The following CENPP variants were observed in gnomAD, a reference collection of about 807,000 sequenced individuals.
CENPP encodes the protein centromere protein P.
In CENPP, 24 loss-of-function variants were observed where a neutral mutation model predicts 35.6. The observed-to-expected ratio is 0.67, with a 90% CI of 0.49 to 0.95. The LOEUF is 0.95. Among genes scored for constraint, CENPP ranks in the 40% least tolerant of loss-of-function variants. The probability of loss-of-function intolerance (pLI) is 0.00; values close to 1 mark genes in which losing one functional copy is unlikely to be tolerated. For missense variants in CENPP, 332 were observed against 345.3 expected, an observed-to-expected ratio of 0.96 and a Z score of 0.31; for synonymous variants, 120 against 125.5, an observed-to-expected ratio of 0.96 and a Z score of 0.29.
At chr9:92,418,378 C>T (rs1265827777) in intron 5 of CENPP, among the ~76,000 whole-genome samples, 2 of 151,794 alleles carry the variant, frequency 1.3e-5, no homozygotes, top group African/African-American at 2.4e-5. Flanking sequence ...TGAGCCACTG[C>T]GCCTGGCCGA....
chr9:92,558,761 G>T (rs1339088655), intron 5 of CENPP, among the ~76,000 whole-genome samples: 1 of 152,022 alleles, frequency 6.6e-6, no homozygotes, highest in African/African-American at 2.4e-5. Context: ...CCATCAGGTG[G>T]GGACAGGGCT....
At position 92,618,809 on chromosome 9, in the gene CENPP, C is replaced by T. The variant is rs905620241; in HGVS notation, c.*5660C>T. 1.1e-5 allele frequency: 4 copies of T among 353,364 alleles called. No homozygotes were observed. Among genetic ancestry groups the T allele is most frequent in the Non-Finnish European group, 2.2e-5 (4 of 179,842 alleles). The allele number at this position is 353,364 out of a possible 1,614,324, so 21.9% of individuals were successfully genotyped here. On this transcript the variant is annotated 3_prime_UTR_variant, in exon 8 of 8. Coordinates refer to ENST00000375587, the MANE Select transcript of CENPP (RefSeq NM_001012267.3). ...CACCGGGAAAGTGAGTGGCTGGCAG[C>T]CAGCAACCAAGGTCATCTTGACCCA... is the stretch of plus-strand genomic sequence containing the variant.
At chr9:92,337,394 T>G in intron 2 of CENPP, 147 bp from the exon 3 acceptor site, 1 of 540,098 alleles carries the variant, frequency 1.9e-6, no homozygotes, top group Non-Finnish European at 3.4e-6. Flanking sequence ...TTGGTTTACG[T>G]TCTTCCAGAG....
chr9:92,333,391 A>T (rs1840817581), intron 2 of CENPP, among the ~76,000 whole-genome samples: 1 of 152,176 alleles, frequency 6.6e-6, no homozygotes, highest in Non-Finnish European at 1.5e-5. Context: ...GAGAATAGAG[A>T]ATGAGGATAG....
At chr9:92,543,401 G>A (rs1326981040) in intron 5 of CENPP, among the ~76,000 whole-genome samples, 2 of 149,178 alleles carry the variant, frequency 1.3e-5, no homozygotes, top group Non-Finnish European at 3.0e-5. Context: ...GAACCTGGGA[G>A]GTGGAGGTTG....
chr9:92,558,964 G>A (rs188314579), intron 5 of CENPP, among the ~76,000 whole-genome samples: 1 of 152,212 alleles, frequency 6.6e-6, no homozygotes, highest in African/African-American at 2.4e-5. Flanking sequence ...ACTGCAAACT[G>A]AAGGGCAGTT....
intron 5 of CENPP, among the ~76,000 whole-genome samples, chr9:92,511,083 C>T (rs1237230918): frequency 6.6e-6 from 1 of 151,936 alleles, no homozygotes; most frequent in Non-Finnish European, 1.5e-5. Context: ...AAACATAAAC[C>T]CCTTTTCTCT....
At chr9:92,382,232 T>C in intron 5 of CENPP, among the ~76,000 whole-genome samples, 1 of 152,174 alleles carries the variant, frequency 6.6e-6, no homozygotes, top group East Asian at 1.9e-4. Flanking sequence ...AATTTATTTT[T>C]ATTTAATTTT....
At position 92,429,790 on chromosome 9, in the gene CENPP, A is replaced by AATC. The variant is rs5899160; in HGVS notation, c.564+49962_564+49964dup. Among the ~76,000 whole-genome samples, 736 of 150,530 alleles carry AATC rather than the reference A, an allele frequency of 4.9e-3. 2 individuals carry two copies. Among genetic ancestry groups the AATC allele is most frequent in the South Asian group, 0.011 (51 of 4,752 alleles). On this transcript the variant is annotated intron_variant, in intron 5 of 7. Coordinates refer to ENST00000375587, the MANE Select transcript of CENPP (RefSeq NM_001012267.3). ...TGACAAGAACGAAACTCCGTCTCAA[A>AATC]ATCATCATCATCATCATCATCATCA...
At chr9:92,490,107 C>T (rs1846142944) in intron 5 of CENPP, among the ~76,000 whole-genome samples, 1 of 152,228 alleles carries the variant, frequency 6.6e-6, no homozygotes. Context: ...TTGACACTCA[C>T]CTTTATTATG....
chr9:92,342,829 G>GTGTA (rs141473890), intron 3 of CENPP, among the ~76,000 whole-genome samples: 4,659 of 152,288 alleles, frequency 0.031, 110 homozygotes, highest in South Asian at 0.08. Context: ...ATACCAACTT[G>GTGTA]TGTATGTATG....
chr9:92,486,867 C>T (rs1378910223), intron 5 of CENPP, among the ~76,000 whole-genome samples: 2 of 151,636 alleles, frequency 1.3e-5, no homozygotes, highest in African/African-American at 4.9e-5. Flanking sequence ...CTGCAACCTC[C>T]ACCTCCTGGG....
intron 5 of CENPP, among the ~76,000 whole-genome samples, chr9:92,573,867 C>CGA (rs1158747925): frequency 1.3e-5 from 2 of 152,326 alleles, no homozygotes; most frequent in Admixed American, 1.3e-4. Flanking sequence ...TAGCAGTGAG[C>CGA]GAGGCTTCGT....
chr9:92,335,643 A>G (rs1040430758), intron 2 of CENPP, among the ~76,000 whole-genome samples: 1 of 151,564 alleles, frequency 6.6e-6, no homozygotes, highest in African/African-American at 2.4e-5. Context: ...TAAAAAGACT[A>G]TTCTTTCTCC....
chr9:92,372,099 CTTTTTTTTTTTT>C (rs71362382), intron 4 of CENPP, among the ~76,000 whole-genome samples: 32 of 30,690 alleles, frequency 1.0e-3, no homozygotes, highest in South Asian at 5.0e-3. Flanking sequence ...TGCCAGCCAT[CTTTTTTTTTTTT>C]TTTTTTTTTT....
intron 5 of CENPP, among the ~76,000 whole-genome samples, chr9:92,588,336 T>C (rs759781588): frequency 7.9e-5 from 12 of 151,404 alleles, no homozygotes; most frequent in Non-Finnish European, 1.5e-4. Context: ...GCAAGCTCTG[T>C]CTCCAGGTTC....
intron 5 of CENPP, among the ~76,000 whole-genome samples, chr9:92,534,926 A>G (rs1417907645): frequency 6.6e-6 from 1 of 152,150 alleles, no homozygotes; most frequent in Non-Finnish European, 1.5e-5. Flanking sequence ...CTCTAGAGTT[A>G]AACTCTCATG....
rs1284127873 is a variant in CENPP at position 92,476,066 on chromosome 9, GA to G, written c.564+96210del. Reference sequence around the variant, plus strand: ...ATGCATCCTAGAGATGCTCACTGGTGAAACTGAGTCCTGGCAGGAGGGCATC... The same window carrying G: ...ATGCATCCTAGAGATGCTCACTGGTGAACTGAGTCCTGGCAGGAGGGCATC... On this transcript the variant is annotated intron_variant, in intron 5 of 7. Transcript: ENST00000375587. The surrounding 1 kb of genome is among the most constrained non-coding windows in gnomAD (Gnocchi z 4.1). Among the ~76,000 whole-genome samples the G allele has an allele frequency of 1.3e-5, 2 of 152,156 alleles. No homozygotes were observed. The highest frequency in any genetic ancestry group is 6.5e-5 in the Admixed American group (1 of 15,282).
chr9:92,506,279 A>C (rs1475362369), intron 5 of CENPP, among the ~76,000 whole-genome samples: 3 of 152,214 alleles, frequency 2.0e-5, no homozygotes, highest in African/African-American at 7.2e-5. Flanking sequence ...ATAGTTACTC[A>C]CTTGTTGGCA....
Sources: gnomAD v4.1 joint callset for allele counts (sites outside exome capture counted in the v4.1 genomes callset) on GRCh38, gnomAD v4.1.1 for gene constraint, Gnocchi (gnomAD v3.1) non-coding constraint, MANE v1.5 for transcripts, NCBI Gene and HGNC (gene_info 2026-07-23, HGNC 2026-07-21) for gene names.